LIPJ: variants seen among roughly 807,000 people sequenced by gnomAD.
The protein encoded by LIPJ is lipase member J.
Under a neutral mutation model 39.8 loss-of-function variants are expected in LIPJ, and 33 were observed. That is an observed-to-expected ratio of 0.83 (90% CI 0.63 to 1.11). The LOEUF (loss-of-function observed/expected upper bound fraction) is 1.11. LIPJ is among the 50% of genes least tolerant of loss of function. The pLI is 0.00. For missense variants in LIPJ, 422 were observed against 427.9 expected, an observed-to-expected ratio of 0.99 and a Z score of 0.12; for synonymous variants, 128 against 139.2, an observed-to-expected ratio of 0.92 and a Z score of 0.57.
intron 2 of LIPJ, among the ~76,000 whole-genome samples, chr10:88,588,437 C>A (rs1244419448): frequency 6.6e-6 from 1 of 151,720 alleles, no homozygotes; most frequent in African/African-American, 2.4e-5. Context: ...GAATTAAAAT[C>A]TGCATATTGA....
chr10:88,590,425 A>G (rs147540087), intron 2 of LIPJ, among the ~76,000 whole-genome samples, 160 bp from the exon 3 acceptor site: 1 of 151,904 alleles, frequency 6.6e-6, no homozygotes, highest in East Asian at 1.9e-4. Flanking sequence ...CCAGTTATAC[A>G]TTTTATGGTT....
intron 9 of LIPJ, 63 bp downstream of exon 9, chr10:88,602,710 A>T: frequency 1.0e-6 from 1 of 984,828 alleles, no homozygotes; most frequent in Non-Finnish European, 1.5e-6. Flanking sequence ...TTACCTCATT[A>T]TTCTAGGGAT....
chr10:88,603,947 T>C (rs895866767), intron 9 of LIPJ, among the ~76,000 whole-genome samples: 7 of 152,218 alleles, frequency 4.6e-5, no homozygotes, highest in African/African-American at 1.7e-4. Flanking sequence ...ACAATATTTA[T>C]TGTATACCTA....
the LIPJ span, among the ~76,000 whole-genome samples, chr10:88,617,421 A>T: frequency 6.6e-6 from 1 of 152,254 alleles, no homozygotes; most frequent in Non-Finnish European, 1.5e-5. Flanking sequence ...AGAAGAAAGT[A>T]AATACCAGGA....
At chr10:88,606,804 A>T in exon 11 of LIPJ, 1 of 1,612,784 alleles carries the variant, frequency 6.2e-7, no homozygotes, top group Non-Finnish European at 8.5e-7. Flanking sequence ...CACATTTATT[A>T]TAAAACTATT....
chr10:88,584,122 A>G (rs188517640), upstream of LIPJ: 41 of 152,328 alleles, frequency 2.7e-4, no homozygotes, highest in Admixed American at 2.6e-3. Context: ...AAAATTGACA[A>G]TGGTAGCCAA....
downstream of LIPJ, among the ~76,000 whole-genome samples, chr10:88,609,053 C>G (rs541767516): frequency 2.0e-4 from 30 of 152,288 alleles, no homozygotes; most frequent in African/African-American, 3.6e-4. Flanking sequence ...CCTGCTCCCC[C>G]CTGTGGAGTA....
intron 8 of LIPJ, among the ~76,000 whole-genome samples, chr10:88,597,699 C>T (rs966328079): frequency 2.0e-5 from 3 of 151,884 alleles, no homozygotes; most frequent in Non-Finnish European, 4.4e-5. Context: ...TTCAACCTTA[C>T]TTTATTTTTA....
At chr10:88,601,090 C>G (rs558222434) in intron 8 of LIPJ, among the ~76,000 whole-genome samples, 2 of 151,866 alleles carry the variant, frequency 1.3e-5, no homozygotes, top group South Asian at 4.2e-4. Flanking sequence ...CTCAGACTAC[C>G]GACACACGCC....
exon 6 of LIPJ, chr10:88,594,684 A>G: frequency 6.5e-7 from 1 of 1,530,410 alleles, no homozygotes; most frequent in Non-Finnish European, 8.8e-7. Flanking sequence ...GAGATGGCAA[A>G]ATATGACCTT....
upstream of LIPJ, among the ~76,000 whole-genome samples, chr10:88,585,423 T>C (rs900967983): frequency 6.6e-6 from 1 of 152,322 alleles, no homozygotes; most frequent in Non-Finnish European, 1.5e-5. Context: ...CGTTTCTCCA[T>C]TGTCTCTTGA....
chr10:88,617,722 C>T, the LIPJ span, among the ~76,000 whole-genome samples: 1 of 152,158 alleles, frequency 6.6e-6, no homozygotes, highest in African/African-American at 2.4e-5. Flanking sequence ...GTACCTCATT[C>T]TTTGCAAGAA....
chr10:88,615,419 G>A, the LIPJ span, among the ~76,000 whole-genome samples: 2 of 151,962 alleles, frequency 1.3e-5, no homozygotes, highest in East Asian at 1.9e-4. Flanking sequence ...CAGACGTGGT[G>A]GCAGGCACCT....
At chr10:88,600,107 T>C (rs1412361522) in intron 8 of LIPJ, among the ~76,000 whole-genome samples, 4 of 152,082 alleles carry the variant, frequency 2.6e-5, no homozygotes, top group Non-Finnish European at 5.9e-5. Context: ...TTATTATTAC[T>C]TATGTTAAGT....
At chr10:88,613,800 A>ATGTGTG in the LIPJ span, among the ~76,000 whole-genome samples, 935 of 73,638 alleles carry the variant, frequency 0.013, 27 homozygotes, top group African/African-American at 0.028. Context: ...ATATATATAT[A>ATGTGTG]TGTGTGTGTG....
chr10:88,612,113 T>G, the LIPJ span, among the ~76,000 whole-genome samples: 4 of 152,184 alleles, frequency 2.6e-5, no homozygotes, highest in Admixed American at 2.6e-4. Flanking sequence ...GACCTATTTT[T>G]AGCCTCCTTA....
chr10:88,602,469 T>C (rs1245913231), intron 8 of LIPJ, 107 bp from the exon 9 acceptor site: 6 of 639,730 alleles, frequency 9.4e-6, no homozygotes, highest in Non-Finnish European at 1.5e-5. Context: ...TGATTAATTT[T>C]AAATTAAATT....
chr10:88,597,222 C>A (rs1295678302), intron 8 of LIPJ, among the ~76,000 whole-genome samples: 1 of 151,702 alleles, frequency 6.6e-6, no homozygotes, highest in Admixed American at 6.6e-5. Context: ...GTATTAGTTT[C>A]CTGAGACTTC....
chr10:88,585,936 C>A (rs1392294437), upstream of LIPJ, among the ~76,000 whole-genome samples: 1 of 152,222 alleles, frequency 6.6e-6, no homozygotes, highest in African/African-American at 2.4e-5. Context: ...TTATCACTTA[C>A]ATTTGTGTCT....
Sources: allele counts gnomAD v4.1 joint callset (sites outside exome capture counted in the v4.1 genomes callset), GRCh38; gene constraint gnomAD v4.1.1; transcripts MANE v1.5; gene names NCBI Gene and HGNC (gene_info 2026-07-23, HGNC 2026-07-21).